The following TBC1D15 variants were observed in gnomAD, a reference collection of about 807,000 sequenced individuals.
The protein encoded by TBC1D15 is TBC1 domain family member 15.
Under a neutral mutation model 95.4 loss-of-function variants are expected in TBC1D15, and 39 were observed. That is an observed-to-expected ratio of 0.41 (90% confidence interval 0.32 to 0.53). The LOEUF (loss-of-function observed/expected upper bound fraction) is 0.53. Among genes scored for constraint, TBC1D15 ranks in the 20% least tolerant of loss-of-function variants. TBC1D15 has a pLI of 0.29. For synonymous variants in TBC1D15, 258 were observed against 261.3 expected, an observed-to-expected ratio of 0.99 and a Z score of 0.12; for missense variants, 733 against 794.3, an observed-to-expected ratio of 0.92 and a Z score of 0.93.
rs201144248 is a variant in TBC1D15 at position 71,917,726 on chromosome 12, G to C, written c.1430G>C (p.Gly477Ala). 1.4e-5 allele frequency: 22 copies of C among 1,611,878 alleles called. No individual in the cohort carries two copies. Among genetic ancestry groups the C allele is most frequent in the East Asian group, 8.9e-5 (4 of 44,832 alleles). The change falls in exon 13 of 17, where the codon GGC becomes GCC. Residue 477 changes from glycine (G) to alanine (A), a missense_variant. Coordinates refer to ENST00000485960, the MANE Select transcript of TBC1D15 (RefSeq NM_001146213.3). ...CAGAATTTTGAAGAACAAATGCAAGGCATGAAGACCCAGCTAATTCAGCTG... is the reference window on the plus strand; with the variant it reads ...CAGAATTTTGAAGAACAAATGCAAGCCATGAAGACCCAGCTAATTCAGCTG... ...MHQNFEEQMQ[G>A]MKTQLIQLST...
chr12:71,908,552 A>G (rs1334493616), intron 11 of TBC1D15, among the ~76,000 whole-genome samples: 1 of 152,144 alleles, frequency 6.6e-6, no homozygotes, highest in Non-Finnish European at 1.5e-5. Flanking sequence ...CCCATATGTA[A>G]GTTAGGGGAA....
chr12:71,855,448 C>T (rs1301113507), intron 1 of TBC1D15, among the ~76,000 whole-genome samples: 4 of 151,862 alleles, frequency 2.6e-5, no homozygotes, highest in Non-Finnish European at 5.9e-5. Context: ...AAAAAATAGA[C>T]CTTTGCCAGG....
chr12:71,875,506 T>C (rs1213860984), intron 3 of TBC1D15, among the ~76,000 whole-genome samples: 1 of 151,878 alleles, frequency 6.6e-6, no homozygotes, highest in East Asian at 1.9e-4. Flanking sequence ...TTTATAGTTT[T>C]AGCTCTTATA....
intron 1 of TBC1D15, among the ~76,000 whole-genome samples, chr12:71,863,472 T>A (rs1223146168): frequency 6.6e-6 from 1 of 152,218 alleles, no homozygotes; most frequent in African/African-American, 2.4e-5. Flanking sequence ...GTTTTTAGAA[T>A]TCTCTTTTGA....
Position 71,923,206 on chromosome 12 carries a change from C to T in TBC1D15, c.*2C>T, listed in dbSNP as rs763878854. 6 of 1,613,096 alleles carry T rather than the reference C, an allele frequency of 3.7e-6. No homozygotes were observed. The highest frequency in any genetic ancestry group is 1.1e-5 in the South Asian group (1 of 90,930). ...GTCTGCAGATTAACACCTGCATGAT[C>T]ACTGTTCTTGCTTTTTTGGGAAGAG... is the stretch of plus-strand genomic sequence containing the variant. On this transcript the variant is annotated 3_prime_UTR_variant, in exon 17 of 17. Coordinates refer to ENST00000485960, the MANE Select transcript of TBC1D15 (RefSeq NM_001146213.3).
chr12:71,850,140 C>T (rs1887402230), intron 1 of TBC1D15: 1 of 539,472 alleles, frequency 1.9e-6, no homozygotes, highest in East Asian at 4.6e-5. Flanking sequence ...ACTCCATTCT[C>T]ATGATAATCA....
At chr12:71,871,725 G>T (rs1286762238) in intron 1 of TBC1D15, among the ~76,000 whole-genome samples, 1 of 152,200 alleles carries the variant, frequency 6.6e-6, no homozygotes, top group East Asian at 1.9e-4. Flanking sequence ...GGGACTACTG[G>T]CATGTGCCAC....
intron 1 of TBC1D15, among the ~76,000 whole-genome samples, chr12:71,856,692 G>C (rs1014951010): frequency 1.3e-5 from 2 of 151,974 alleles, no homozygotes; most frequent in African/African-American, 4.8e-5. Context: ...TTTGCTTCCT[G>C]TAGTACAGAG....
At chr12:71,879,820 TC>T (rs2138450315) in intron 3 of TBC1D15, among the ~76,000 whole-genome samples, 1 of 152,344 alleles carries the variant, frequency 6.6e-6, no homozygotes, top group South Asian at 2.1e-4. Flanking sequence ...TGGACATTTT[TC>T]TTTTGTCATA....
At chr12:71,882,715 A>G (rs2138504604) in intron 4 of TBC1D15, among the ~76,000 whole-genome samples, 1 of 152,290 alleles carries the variant, frequency 6.6e-6, no homozygotes, top group South Asian at 2.1e-4. Flanking sequence ...CTTATTCAAC[A>G]GATAGTTCAT....
intron 10 of TBC1D15, among the ~76,000 whole-genome samples, chr12:71,903,990 C>G (rs1900073269): frequency 6.6e-6 from 1 of 152,088 alleles, no homozygotes; most frequent in African/African-American, 2.4e-5. Flanking sequence ...TGGCAATGTA[C>G]CCCTTGAAAC....
intron 10 of TBC1D15, among the ~76,000 whole-genome samples, chr12:71,903,127 G>T (rs1476307022): frequency 6.6e-6 from 1 of 152,108 alleles, no homozygotes; most frequent in Non-Finnish European, 1.5e-5. Context: ...TCTTGGCCAG[G>T]CTGGTCTTGA....
At chr12:71,904,656 A>G (rs1361265823) in intron 10 of TBC1D15, among the ~76,000 whole-genome samples, 1 of 152,006 alleles carries the variant, frequency 6.6e-6, no homozygotes, top group African/African-American at 2.4e-5. Context: ...AGTTATGGAA[A>G]CTCATTTATA....
In TBC1D15 at chr12:71,877,682, C is replaced by A. The variant is rs111787832; in HGVS notation, c.205-2787C>A. Among the ~76,000 whole-genome samples, 927 of 151,972 alleles carry A rather than the reference C, an allele frequency of 6.1e-3. 4 individuals are homozygous for A. The highest frequency in any genetic ancestry group is 0.022 in the African/African-American group (891 of 41,434). ...TCATTACTAAGACATCTTTCTTGTT[C>A]TGAGTGTCCTCGTGTCCCCTTTTAA... On this transcript the variant is annotated intron_variant, in intron 3 of 16. Coordinates refer to ENST00000485960, the MANE Select transcript of TBC1D15 (RefSeq NM_001146213.3).
chr12:71,855,904 A>G (rs1467457352), intron 1 of TBC1D15, among the ~76,000 whole-genome samples: 1 of 143,722 alleles, frequency 7.0e-6, no homozygotes, highest in Non-Finnish European at 1.5e-5. Flanking sequence ...TTTCTTAATC[A>G]GTTGCACCTT....
chr12:71,920,929 A>G (rs1869045611), intron 15 of TBC1D15, 82 bp downstream of exon 15: 1 of 958,416 alleles, frequency 1.0e-6, no homozygotes, highest in South Asian at 1.5e-5. Flanking sequence ...TCCTTGGAAC[A>G]TTATTAAATC....
chr12:71,858,895 C>G (rs1004236087), intron 1 of TBC1D15, among the ~76,000 whole-genome samples: 1 of 151,260 alleles, frequency 6.6e-6, no homozygotes, highest in African/African-American at 2.4e-5. Context: ...ATACTGTTTT[C>G]AGTAGTGCTT....
chr12:71,860,931 T>C (rs1278491992), intron 1 of TBC1D15, among the ~76,000 whole-genome samples: 1 of 152,206 alleles, frequency 6.6e-6, no homozygotes, highest in African/African-American at 2.4e-5. Flanking sequence ...TTTAATATTA[T>C]AAAATGCTTT....
intron 10 of TBC1D15, among the ~76,000 whole-genome samples, chr12:71,902,322 A>G (rs117136608): frequency 6.6e-6 from 1 of 152,238 alleles, no homozygotes; most frequent in East Asian, 1.9e-4. Flanking sequence ...ACCTGACTTC[A>G]AACTATACTG....
Sources: gnomAD v4.1 joint callset for allele counts (sites outside exome capture counted in the v4.1 genomes callset) on GRCh38, gnomAD v4.1.1 for gene constraint, MANE v1.5 for transcripts, NCBI Gene and HGNC (gene_info 2026-07-23, HGNC 2026-07-21) for gene names.